Variants in THSD4 observed in about 807,000 individuals in gnomAD.
THSD4 encodes the protein thrombospondin type-1 domain-containing protein 4.
Under a neutral mutation model 119.0 loss-of-function variants are expected in THSD4, and 69 were observed. The ratio of observed to expected loss-of-function variants is 0.58; its 90% CI spans 0.48 to 0.71. The LOEUF (loss-of-function observed/expected upper bound fraction) is 0.71, where lower values mean the gene tolerates loss of function less well. THSD4 is among the 30% of genes least tolerant of loss of function. The probability of loss-of-function intolerance (pLI) is 0.00; values close to 1 mark genes in which losing one functional copy is unlikely to be tolerated. For synonymous variants in THSD4, 524 were observed against 540.4 expected, an observed-to-expected ratio of 0.97 and a Z score of 0.42; for missense variants, 1,393 against 1,391.1, an observed-to-expected ratio of 1.00 and a Z score of -0.02.
At chr15:71,421,825 T>G (rs1414413135) in intron 7 of THSD4, among the ~76,000 whole-genome samples, 1 of 152,186 alleles carries the variant, frequency 6.6e-6, no homozygotes, top group East Asian at 1.9e-4. Flanking sequence ...GGAGGCTGTT[T>G]TCTAGATTTT....
chr15:71,378,434 A>G (rs1042707427), intron 6 of THSD4, among the ~76,000 whole-genome samples: 1 of 152,216 alleles, frequency 6.6e-6, no homozygotes, highest in Admixed American at 6.5e-5. Flanking sequence ...TGGTTGATTC[A>G]TTCTAATTGA....
rs866314020 is a variant in THSD4, at chr15:71,442,696, A to G, written c.1152+30873A>G. On this transcript the variant is annotated intron_variant, in intron 7 of 17. Transcript: ENST00000261862. ...TATATATATATATATATATATATATATATATATGAAGGGAGGAGATGAAAG... is the reference window on the plus strand; with the variant it reads ...TATATATATATATATATATATATATGTATATATGAAGGGAGGAGATGAAAG... Among the ~76,000 whole-genome samples the G allele has an allele frequency of 3.2e-4, 38 of 119,112 alleles. 3 individuals are homozygous for G. The South Asian group carries it at 0.011, about 34-fold the overall frequency. The allele number at this position is 119,112 out of a possible 152,430, so 78.1% of individuals were successfully genotyped here. A position where few individuals can be genotyped will look rare whatever the true frequency, so the allele number is the denominator to read the frequency against.
intron 6 of THSD4, among the ~76,000 whole-genome samples, chr15:71,258,635 A>G (rs2044351549): frequency 6.6e-6 from 1 of 152,226 alleles, no homozygotes; most frequent in Non-Finnish European, 1.5e-5. Flanking sequence ...GCTATGTCTT[A>G]CATGGATTCT....
chr15:71,410,520 G>A (rs769790309), intron 6 of THSD4, among the ~76,000 whole-genome samples: 4 of 152,152 alleles, frequency 2.6e-5, no homozygotes, highest in Non-Finnish European at 5.9e-5. Context: ...TGTGTATTTA[G>A]GAATGGGATT....
intron 8 of THSD4, among the ~76,000 whole-genome samples, chr15:71,692,179 C>G (rs1325348254): frequency 6.6e-6 from 1 of 152,132 alleles, no homozygotes; most frequent in East Asian, 1.9e-4. Flanking sequence ...CATCTAGGCA[C>G]AGACTGATAA....
At chr15:71,505,466 C>A (rs898169833) in intron 7 of THSD4, among the ~76,000 whole-genome samples, 1 of 152,054 alleles carries the variant, frequency 6.6e-6, no homozygotes, top group African/African-American at 2.4e-5. Flanking sequence ...AGAAAAGGAA[C>A]AAGATGGGGT....
intron 6 of THSD4, among the ~76,000 whole-genome samples, chr15:71,259,089 GACA>G (rs758171357): frequency 3.4e-4 from 52 of 151,174 alleles, no homozygotes; most frequent in Non-Finnish European, 7.1e-4. Context: ...CTGCAGCCTG[GACA>G]ACAAGAGTGC....
At chr15:71,688,920 C>T (rs938241274) in intron 8 of THSD4, among the ~76,000 whole-genome samples, 3 of 152,096 alleles carry the variant, frequency 2.0e-5, no homozygotes, top group African/African-American at 4.8e-5. Flanking sequence ...TCCAGAACCA[C>T]GTGCATATGG....
intron 7 of THSD4, among the ~76,000 whole-genome samples, chr15:71,465,557 T>A (rs191659853): frequency 6.6e-6 from 1 of 152,340 alleles, no homozygotes; most frequent in Non-Finnish European, 1.5e-5. Flanking sequence ...GGAAAGAGGA[T>A]CATTATTTAA....
intron 2 of THSD4, among the ~76,000 whole-genome samples, chr15:71,142,547 C>T (rs1327943680): frequency 6.6e-6 from 1 of 152,032 alleles, no homozygotes; most frequent in African/African-American, 2.4e-5. Context: ...GAGATCAATG[C>T]ATTAATTTTG....
At chr15:71,320,604 T>C (rs2045253213) in intron 6 of THSD4, among the ~76,000 whole-genome samples, 1 of 152,188 alleles carries the variant, frequency 6.6e-6, no homozygotes, top group Non-Finnish European at 1.5e-5. Flanking sequence ...AAGATCCAAG[T>C]AGCCCAAGAA....
chr15:71,758,913 TA>T (rs1172528027), intron 15 of THSD4, among the ~76,000 whole-genome samples: 1 of 152,126 alleles, frequency 6.6e-6, no homozygotes, highest in Non-Finnish European at 1.5e-5. Context: ...TCAGGAACCA[TA>T]AAAATGTTCC....
At chr15:71,363,639 CATTA>C (rs759234213) in intron 6 of THSD4, among the ~76,000 whole-genome samples, 4 of 152,134 alleles carry the variant, frequency 2.6e-5, no homozygotes, top group Admixed American at 2.6e-4. Context: ...TTATTTAACT[CATTA>C]ATTAATGAGG....
At chr15:71,515,388 T>A (rs1270963397) in intron 7 of THSD4, among the ~76,000 whole-genome samples, 1 of 152,148 alleles carries the variant, frequency 6.6e-6, no homozygotes, top group Non-Finnish European at 1.5e-5. Flanking sequence ...TTGAGTGTAG[T>A]AGAAAAATTG....
intron 6 of THSD4, 81 bp downstream of exon 6, chr15:71,256,796 G>T: frequency 1.5e-6 from 2 of 1,327,768 alleles, no homozygotes; most frequent in Non-Finnish European, 2.1e-6. Flanking sequence ...GATGTTGGAG[G>T]TATTGGTGTG....
At chr15:71,647,254 C>A (rs1043509492) in intron 7 of THSD4, among the ~76,000 whole-genome samples, 10 of 152,210 alleles carry the variant, frequency 6.6e-5, no homozygotes, top group Non-Finnish European at 1.3e-4. Flanking sequence ...GGCAGCAGAT[C>A]TGCTATTGCC....
chr15:71,752,257 A>G (rs1461877338), intron 14 of THSD4, among the ~76,000 whole-genome samples: 1 of 152,224 alleles, frequency 6.6e-6, no homozygotes, highest in Non-Finnish European at 1.5e-5. Flanking sequence ...GCTACATGTA[A>G]ATTTTCCAAA....
chr15:71,192,627 G>A (rs376547778), intron 3 of THSD4, among the ~76,000 whole-genome samples: 14 of 152,146 alleles, frequency 9.2e-5, no homozygotes, highest in East Asian at 5.8e-4. Context: ...TTTTTTTCCA[G>A]GTATTTCAGC....
At chr15:71,395,141 A>C (rs889891853) in intron 6 of THSD4, among the ~76,000 whole-genome samples, 1 of 152,202 alleles carries the variant, frequency 6.6e-6, no homozygotes, top group Non-Finnish European at 1.5e-5. Flanking sequence ...CTGCCTTAGG[A>C]GTCGGATGCG....
Sources: gnomAD v4.1 joint callset for allele counts (sites outside exome capture counted in the v4.1 genomes callset) on GRCh38, gnomAD v4.1.1 for gene constraint, MANE v1.5 for transcripts, NCBI Gene and HGNC (gene_info 2026-07-23, HGNC 2026-07-21) for gene names.